PRKCA: variants seen among roughly 807,000 people sequenced by gnomAD.
PRKCA encodes protein kinase C alpha, also known as protein kinase C alpha type.
A neutral mutation model predicts 87.0 loss-of-function variants in PRKCA; 27 were observed. The observed-to-expected ratio is 0.31, with a 90% CI of 0.23 to 0.43. The LOEUF (loss-of-function observed/expected upper bound fraction) is 0.43, where lower values mean the gene tolerates loss of function less well. PRKCA is among the 20% of genes least tolerant of loss of function. PRKCA has a pLI of 1.00. For synonymous variants in PRKCA, 329 were observed against 311.1 expected, an observed-to-expected ratio of 1.06 and a Z score of -0.61; for missense variants, 518 against 852.3, an observed-to-expected ratio of 0.61 and a Z score of 4.88.
intron 3 of PRKCA, among the ~76,000 whole-genome samples, chr17:66,571,987 C>T (rs1383026589): frequency 2.0e-5 from 3 of 152,158 alleles, no homozygotes; most frequent in Non-Finnish European, 4.4e-5. Flanking sequence ...TTCCGTCTGA[C>T]GTGCCACTCC....
At position 66,578,150 on chromosome 17, in the gene PRKCA, C is replaced by CAA. The variant is rs1567910036; in HGVS notation, c.289-63202_289-63201dup. Among the ~76,000 whole-genome samples, 778 of 148,306 alleles carry CAA rather than the reference C, an allele frequency of 5.2e-3. 10 individuals carry two copies. Among genetic ancestry groups the CAA allele is most frequent in the African/African-American group, 0.017 (699 of 40,128 alleles). ...AGACTGAATTTAAAACAAAACAAAACAAAACAAAACAGCCCTCATTGTCTC... is the reference window on the plus strand; with the variant it reads ...AGACTGAATTTAAAACAAAACAAAACAAAAAACAAAACAGCCCTCATTGTCTC... On this transcript the variant is annotated intron_variant, in intron 3 of 16. Coordinates refer to ENST00000413366, the MANE Select transcript of PRKCA (RefSeq NM_002737.3).
chr17:66,639,363 G>T (rs1317768158), intron 3 of PRKCA: 2 of 152,218 alleles, frequency 1.3e-5, no homozygotes, highest in African/African-American at 4.8e-5. Context: ...GATCATCTAA[G>T]TAGAAGCTCA....
intron 8 of PRKCA, among the ~76,000 whole-genome samples, chr17:66,709,297 A>ATTTT (rs1973261364): frequency 2.4e-5 from 2 of 83,502 alleles, no homozygotes; most frequent in African/African-American, 1.1e-4. Context: ...TTTTGAGATG[A>ATTTT]TTTCTTTTTT....
At chr17:66,583,232 T>C (rs945600019) in intron 3 of PRKCA, among the ~76,000 whole-genome samples, 1 of 152,176 alleles carries the variant, frequency 6.6e-6, no homozygotes, top group Admixed American at 6.5e-5. Flanking sequence ...AGAAGTTACA[T>C]ATTAAGTGAC....
At chr17:66,607,936 G>A (rs1252045457) in intron 3 of PRKCA, among the ~76,000 whole-genome samples, 2 of 152,202 alleles carry the variant, frequency 1.3e-5, no homozygotes, top group East Asian at 3.8e-4. Flanking sequence ...CATGGTCTCT[G>A]AAGTCTCTTC....
At chr17:66,710,850 T>C (rs1350822186) in intron 8 of PRKCA, among the ~76,000 whole-genome samples, 5 of 150,874 alleles carry the variant, frequency 3.3e-5, no homozygotes, top group Admixed American at 6.6e-5. Context: ...CCCAACATGG[T>C]GAAACCCCGT....
At chr17:66,370,126 G>C (rs1384010230) in intron 2 of PRKCA, among the ~76,000 whole-genome samples, 1 of 151,944 alleles carries the variant, frequency 6.6e-6, no homozygotes, top group Admixed American at 6.6e-5. Flanking sequence ...CTTGATGGAA[G>C]CCTTCCTGAC....
chr17:66,695,256 C>T (rs1972886772), intron 8 of PRKCA, among the ~76,000 whole-genome samples: 1 of 152,236 alleles, frequency 6.6e-6, no homozygotes, highest in Non-Finnish European at 1.5e-5. Flanking sequence ...GGACCTGGCT[C>T]CCTGGGGCTG....
intron 2 of PRKCA, among the ~76,000 whole-genome samples, chr17:66,426,150 C>T (rs2143812634): frequency 6.6e-6 from 1 of 152,152 alleles, no homozygotes; most frequent in Admixed American, 6.5e-5. Context: ...AGGAAGGAAG[C>T]AAGAGTGAAA....
intron 2 of PRKCA, among the ~76,000 whole-genome samples, chr17:66,453,443 A>G (rs1052533484): frequency 2.0e-5 from 3 of 151,140 alleles, no homozygotes; most frequent in African/African-American, 7.3e-5. Flanking sequence ...TCAGCCTCCT[A>G]AGTAGCTGAG....
intron 8 of PRKCA, among the ~76,000 whole-genome samples, chr17:66,731,775 C>CTTTT (rs796884841): frequency 1.7e-4 from 12 of 71,424 alleles, no homozygotes; most frequent in Non-Finnish European, 2.8e-4. Flanking sequence ...TGCTCCCTTT[C>CTTTT]TTTTTTTTTT....
chr17:66,492,999 G>A (rs992538228), intron 2 of PRKCA, among the ~76,000 whole-genome samples: 1 of 151,884 alleles, frequency 6.6e-6, no homozygotes, highest in Non-Finnish European at 1.5e-5. Context: ...CTAAAGGGAT[G>A]CTTGCTTTAA....
intron 2 of PRKCA, among the ~76,000 whole-genome samples, chr17:66,338,332 T>C (rs1256777937): frequency 1.3e-5 from 2 of 152,142 alleles, no homozygotes; most frequent in East Asian, 3.9e-4. Context: ...CCGAATGGCC[T>C]CTTTTGACTT....
chr17:66,784,854 C>T (rs945858543), intron 14 of PRKCA, among the ~76,000 whole-genome samples: 2 of 152,156 alleles, frequency 1.3e-5, no homozygotes, highest in Non-Finnish European at 2.9e-5. Flanking sequence ...CAGCCTGCAC[C>T]CCCTGGTGGG....
intron 3 of PRKCA, among the ~76,000 whole-genome samples, chr17:66,595,229 G>A (rs1969935578): frequency 1.3e-5 from 2 of 152,018 alleles, no homozygotes; most frequent in African/African-American, 4.8e-5. Context: ...GTATGGTGGT[G>A]TGATCTTAGC....
chr17:66,404,778 G>A (rs1158036929), intron 2 of PRKCA, among the ~76,000 whole-genome samples: 1 of 49,146 alleles, frequency 2.0e-5, no homozygotes, highest in Admixed American at 2.6e-4. Context: ...TTGAGACAGC[G>A]TTTCACTCTA....
intron 14 of PRKCA, chr17:66,774,888 TAAGG>T: frequency 1.0e-6 from 1 of 985,432 alleles, no homozygotes; most frequent in Non-Finnish European, 1.2e-6. Context: ...AACATCCAGT[TAAGG>T]AAGGTAAATT....
intron 2 of PRKCA, among the ~76,000 whole-genome samples, chr17:66,309,265 G>C (rs1429256085): frequency 6.6e-6 from 1 of 152,184 alleles, no homozygotes; most frequent in Non-Finnish European, 1.5e-5. Flanking sequence ...AAAGAAATAA[G>C]TGAGTTTTAG....
At chr17:66,565,752 C>T (rs1968871267) in intron 3 of PRKCA, among the ~76,000 whole-genome samples, 5 of 151,978 alleles carry the variant, frequency 3.3e-5, no homozygotes, top group Admixed American at 3.3e-4. Flanking sequence ...TGTGTGCCCT[C>T]CTGTCTTGGT....
Sources: gnomAD v4.1 joint callset for allele counts (sites outside exome capture counted in the v4.1 genomes callset) on GRCh38, gnomAD v4.1.1 for gene constraint, MANE v1.5 for transcripts, NCBI Gene and HGNC (gene_info 2026-07-23, HGNC 2026-07-21) for gene names.